Variants in CSNK2A2IP observed in about 807,000 individuals in gnomAD.
CSNK2A2IP encodes the protein casein kinase II subunit alpha'-interacting protein.
chr3:88,395,449 C>G, the CSNK2A2IP span, among the ~76,000 whole-genome samples: 1 of 152,134 alleles, frequency 6.6e-6, no homozygotes, highest in Admixed American at 6.5e-5. Flanking sequence ...GTTTAATGAC[C>G]TTACTACATT....
At chr3:88,389,150 T>C in the CSNK2A2IP span, among the ~76,000 whole-genome samples, 3 of 151,650 alleles carry the variant, frequency 2.0e-5, no homozygotes, top group Admixed American at 6.6e-5. Flanking sequence ...GAGCACCAAA[T>C]AGGAAAATTA....
At chr3:88,383,727 G>A in the CSNK2A2IP span, among the ~76,000 whole-genome samples, 1 of 133,688 alleles carries the variant, frequency 7.5e-6, no homozygotes, top group Non-Finnish European at 1.6e-5. Flanking sequence ...GCAGTGGCGC[G>A]ATCTCAGCTC....
At chr3:88,389,124 C>G in the CSNK2A2IP span, among the ~76,000 whole-genome samples, 1 of 151,616 alleles carries the variant, frequency 6.6e-6, no homozygotes, top group Non-Finnish European at 1.5e-5. Context: ...AATTAGTGTT[C>G]CATAGAACAA....
chr3:88,388,417 T>C, the CSNK2A2IP span, among the ~76,000 whole-genome samples: 15 of 152,196 alleles, frequency 9.9e-5, no homozygotes, highest in Admixed American at 9.2e-4. Context: ...ATATAAAAGC[T>C]TTTTTGCAAA....
the CSNK2A2IP span, among the ~76,000 whole-genome samples, chr3:88,445,936 T>C: frequency 7.1e-6 from 1 of 141,446 alleles, no homozygotes; most frequent in Non-Finnish European, 1.6e-5. Flanking sequence ...CTTTCTTCCT[T>C]TCTTTCTTTC....
the CSNK2A2IP span, among the ~76,000 whole-genome samples, chr3:88,415,690 T>C: frequency 2.0e-5 from 3 of 152,018 alleles, no homozygotes; most frequent in Non-Finnish European, 4.4e-5. Flanking sequence ...AATCCTCACA[T>C]ACCAATGAGG....
At chr3:88,456,584 T>C in the CSNK2A2IP span, among the ~76,000 whole-genome samples, 1 of 151,962 alleles carries the variant, frequency 6.6e-6, no homozygotes, top group Non-Finnish European at 1.5e-5. Flanking sequence ...GTTCTAATAG[T>C]TTTTGGGGTG....
chr3:88,341,487 G>T, the CSNK2A2IP span, among the ~76,000 whole-genome samples: 1 of 151,548 alleles, frequency 6.6e-6, no homozygotes, highest in East Asian at 1.9e-4. Context: ...AGACTTCTGT[G>T]AGCAGCTGTT....
At chr3:88,371,323 G>A in the CSNK2A2IP span, among the ~76,000 whole-genome samples, 1 of 151,744 alleles carries the variant, frequency 6.6e-6, no homozygotes, top group African/African-American at 2.4e-5. Flanking sequence ...ATGAGTTATT[G>A]CAGAGTAAAC....
the CSNK2A2IP span, among the ~76,000 whole-genome samples, chr3:88,412,763 C>T: frequency 6.6e-6 from 1 of 151,968 alleles, no homozygotes; most frequent in Non-Finnish European, 1.5e-5. Flanking sequence ...TCCTAGGCTA[C>T]AAATCTGTAC....
chr3:88,391,102 T>A, the CSNK2A2IP span, among the ~76,000 whole-genome samples: 1 of 152,190 alleles, frequency 6.6e-6, no homozygotes, highest in African/African-American at 2.4e-5. Context: ...TAATACTTAA[T>A]AGGCAGCTGC....
At chr3:88,344,698 A>G in the CSNK2A2IP span, among the ~76,000 whole-genome samples, 1 of 151,954 alleles carries the variant, frequency 6.6e-6, no homozygotes, top group Admixed American at 6.6e-5. Context: ...GAACTACAGG[A>G]AATAAGGGCA....
the CSNK2A2IP span, among the ~76,000 whole-genome samples, chr3:88,373,969 G>T: frequency 1.3e-5 from 2 of 151,598 alleles, no homozygotes; most frequent in Admixed American, 6.6e-5. Flanking sequence ...ATTGAAATTT[G>T]TAATTTAAAT....
chr3:88,428,139 CA>C, the CSNK2A2IP span, among the ~76,000 whole-genome samples: 1 of 152,154 alleles, frequency 6.6e-6, no homozygotes, highest in Non-Finnish European at 1.5e-5. Flanking sequence ...GAGATCATTT[CA>C]GAGCTTTAAG....
the CSNK2A2IP span, among the ~76,000 whole-genome samples, chr3:88,458,141 G>GTTTTTTTT: frequency 2.4e-5 from 2 of 83,302 alleles, no homozygotes; most frequent in African/African-American, 5.4e-5. Context: ...TGTAATTGTG[G>GTTTTTTTT]TTTTTTTTTT....
chr3:88,415,021 C>CCACA, the CSNK2A2IP span, among the ~76,000 whole-genome samples: 16 of 148,656 alleles, frequency 1.1e-4, no homozygotes, highest in African/African-American at 1.5e-4. Context: ...TAAAAAAAAC[C>CCACA]CACACACACA....
chr3:88,367,817 C>T, the CSNK2A2IP span, among the ~76,000 whole-genome samples: 5 of 152,028 alleles, frequency 3.3e-5, no homozygotes, highest in African/African-American at 2.4e-5. Flanking sequence ...TTGAACTAAA[C>T]CTCATTTGGA....
the CSNK2A2IP span, chr3:88,338,585 C>T: frequency 6.6e-6 from 1 of 152,080 alleles, no homozygotes; most frequent in Non-Finnish European, 1.5e-5. Context: ...TAAATGAAGA[C>T]CCAGGAATCA....
At chr3:88,467,364 TA>T in the CSNK2A2IP span, 30,645 of 398,638 alleles carry the variant, frequency 0.077, 1,518 homozygotes, top group Non-Finnish European at 0.1. Context: ...CTGTATTCCG[TA>T]AGGTACTTAG....
Sources: gnomAD v4.1 joint callset for allele counts (sites outside exome capture counted in the v4.1 genomes callset) on GRCh38, gnomAD v4.1.1 for gene constraint, MANE v1.5 for transcripts, NCBI Gene and HGNC (gene_info 2026-07-23, HGNC 2026-07-21) for gene names.